The following CD163L1 variants were observed in gnomAD, a reference collection of about 807,000 sequenced individuals.
The protein encoded by CD163L1 is CD163 molecule like 1, also known as scavenger receptor cysteine-rich type 1 protein M160.
Under a neutral mutation model 165.4 loss-of-function variants are expected in CD163L1, and 124 were observed. The ratio of observed to expected loss-of-function variants is 0.75; its 90% confidence interval spans 0.65 to 0.87. The LOEUF is 0.87. Among genes scored for constraint, CD163L1 ranks in the 40% least tolerant of loss-of-function variants. CD163L1 has a pLI of 0.00. For synonymous variants in CD163L1, 585 were observed against 662.2 expected (o/e 0.88, Z 1.79); for missense variants, 1,525 against 1,799.9 (o/e 0.85, Z 2.76).
Position 7,400,325 on chromosome 12 carries a change from C to T in CD163L1, c.1409-1741G>A, listed in dbSNP as rs12309831. Among the ~76,000 whole-genome samples, 17,403 of 151,922 alleles carry T rather than the reference C, an allele frequency of 0.11. 1,868 individuals are homozygous for T. Among genetic ancestry groups the T allele is most frequent in the African/African-American group, 0.28 (11,477 of 41,388 alleles). ...TGGGGGTATGAACAGATATATGACG[C>T]ATGTATATATAATATGTATCATTTC... is the stretch of plus-strand genomic sequence containing the variant. On this transcript the variant is annotated intron_variant, in intron 6 of 19. Transcript: ENST00000313599. This position sits in a 1 kb window ranked among gnomAD's most constrained non-coding sequence, Gnocchi z 4.1.
intron 4 of CD163L1, among the ~76,000 whole-genome samples, chr12:7,420,538 A>G (rs994355722): frequency 2.0e-4 from 30 of 152,050 alleles, no homozygotes; most frequent in African/African-American, 7.0e-4. Flanking sequence ...ACTATCAAAA[A>G]GTGGGCTAAG....
chr12:7,348,225 C>T (rs1274401545), intron 4 of CD163L1, among the ~76,000 whole-genome samples: 2 of 152,168 alleles, frequency 1.3e-5, no homozygotes, highest in African/African-American at 4.8e-5. Flanking sequence ...CCACTCTGTG[C>T]AAGGGGAAAG....
At chr12:7,434,007 G>C (rs1032691666) in intron 2 of CD163L1, among the ~76,000 whole-genome samples, 6 of 152,144 alleles carry the variant, frequency 3.9e-5, no homozygotes. Context: ...TGTTGTGCAC[G>C]CAGAATGAAA....
At chr12:7,443,160 T>C (rs1054060915) in intron 1 of CD163L1, among the ~76,000 whole-genome samples, 2 of 152,210 alleles carry the variant, frequency 1.3e-5, no homozygotes, top group Admixed American at 1.3e-4. Context: ...AGAAACCCTT[T>C]TTCAAAAAGG....
chr12:7,348,476 C>A (rs1358220637), intron 4 of CD163L1, among the ~76,000 whole-genome samples: 3 of 152,176 alleles, frequency 2.0e-5, no homozygotes, highest in East Asian at 3.8e-4. Flanking sequence ...TCCAGCCCAT[C>A]CATTAGTGGA....
chr12:7,393,072 T>C (rs775697073), intron 8 of CD163L1, among the ~76,000 whole-genome samples: 19 of 152,318 alleles, frequency 1.2e-4, no homozygotes, highest in Admixed American at 1.2e-3. Flanking sequence ...ACTCATTTTA[T>C]GAGGCCAACA....
chr12:7,439,671 A>G (rs1013846990), intron 2 of CD163L1: 12 of 1,612,564 alleles, frequency 7.4e-6, no homozygotes, highest in Admixed American at 6.7e-5. Flanking sequence ...TTTTCTTCCT[A>G]AATTCAAGAA....
chr12:7,350,254 G>C (rs1190332477), downstream of CD163L1, among the ~76,000 whole-genome samples: 1 of 152,170 alleles, frequency 6.6e-6, no homozygotes, highest in African/African-American at 2.4e-5. Flanking sequence ...TGGAGTCACA[G>C]AGATTTCCTA....
At chr12:7,354,847 C>T (rs1232975753), downstream of CD163L1, 1 of 152,136 alleles carries the variant, frequency 6.6e-6, no homozygotes, top group Admixed American at 6.5e-5. Context: ...ACCCTCACGA[C>T]ATGATTACCT....
intron 18 of CD163L1, among the ~76,000 whole-genome samples, chr12:7,360,072 T>C (rs1186794440): frequency 3.9e-5 from 6 of 152,282 alleles, no homozygotes; most frequent in African/African-American, 9.6e-5. Flanking sequence ...TTTCAGCCAA[T>C]ATTTCTTTAA....
At position 7,369,466 on chromosome 12, in the gene CD163L1, C is replaced by A. The variant is rs778996485; in HGVS notation, c.3930G>T (p.Leu1310Phe). Residue 1310 changes from leucine to phenylalanine, a missense_variant, in exon 15 of 20, where the codon TTG (leucine) becomes TTT (phenylalanine). Physicochemically the swap from Leu to Phe is conservative, Grantham distance 22 (BLOSUM62 0). Transcript: ENST00000313599. This position sits in a 1 kb window ranked among gnomAD's most constrained non-coding sequence, Gnocchi z 4.9. ...SFGQGTGTIW[L>F]DDMRCKGNES... is the part of the protein sequence containing the mutation. ...CATTTCCTTTGCACCGCATGTCATC[C>A]AACCAGATGGTTCCAGTTCCCTGGC... 1.9e-6 allele frequency: 3 copies of A among 1,614,186 alleles called. No homozygotes were observed. Among genetic ancestry groups the A allele is most frequent in the Non-Finnish European group, 2.5e-6 (3 of 1,180,038 alleles).
At chr12:7,436,026 T>C (rs1948708633) in intron 2 of CD163L1, among the ~76,000 whole-genome samples, 1 of 152,154 alleles carries the variant, frequency 6.6e-6, no homozygotes, top group African/African-American at 2.4e-5. Flanking sequence ...ATATCTATCA[T>C]ATTATTAGAA....
chr12:7,398,857 A>G lies in CD163L1; in HGVS notation c.1409-273T>C, dbSNP rs150787759. On this transcript the variant is annotated intron_variant, in intron 6 of 19. Coordinates refer to ENST00000313599, the MANE Select transcript of CD163L1 (RefSeq NM_174941.6). This position sits in a 1 kb window ranked among gnomAD's most constrained non-coding sequence, Gnocchi z 4.5. ...AAGCCTCCAAGAATGACGGATTTGG[A>G]TAAGATGAGCAACGTGGAAGCATGC... is the stretch of plus-strand genomic sequence containing the variant. 2.6e-5 allele frequency among the ~76,000 whole-genome samples: 4 copies of G among 152,322 alleles called. No homozygotes were observed. The highest frequency in any genetic ancestry group is 9.6e-5 in the African/African-American group (4 of 41,582).
At chr12:7,339,778 C>A in the CD163L1 span, among the ~76,000 whole-genome samples, 63,301 of 151,876 alleles carry the variant, frequency 0.42, 14,485 homozygotes, top group Non-Finnish European at 0.52. Flanking sequence ...TCTCTTCCTA[C>A]TAGGGAGGTT....
intron 8 of CD163L1, among the ~76,000 whole-genome samples, chr12:7,383,353 G>C (rs755333851): frequency 1.3e-5 from 2 of 152,152 alleles, no homozygotes; most frequent in Non-Finnish European, 2.9e-5. Context: ...TAGCACCAGT[G>C]TATACCGGCT....
At chr12:7,437,406 T>C (rs1255377289) in intron 2 of CD163L1, among the ~76,000 whole-genome samples, 1 of 151,512 alleles carries the variant, frequency 6.6e-6, no homozygotes, top group Non-Finnish European at 1.5e-5. Flanking sequence ...TACATATGTA[T>C]ACATGTGCCG....
intron 5 of CD163L1, among the ~76,000 whole-genome samples, chr12:7,404,974 GA>G (rs990367401): frequency 6.6e-6 from 1 of 150,888 alleles, no homozygotes; most frequent in Non-Finnish European, 1.5e-5. Flanking sequence ...TTTTGTTTGG[GA>G]AAAAAAAATC....
At chr12:7,356,872 T>C (rs1037241796) in intron 19 of CD163L1, among the ~76,000 whole-genome samples, 2 of 152,152 alleles carry the variant, frequency 1.3e-5, no homozygotes, top group African/African-American at 4.8e-5. Context: ...CTTTAGAGAA[T>C]GATTTCACTG....
chr12:7,391,048 G>A (rs1010489159), intron 8 of CD163L1, among the ~76,000 whole-genome samples: 7 of 152,170 alleles, frequency 4.6e-5, no homozygotes, highest in African/African-American at 1.7e-4. Context: ...TTCCAACTGA[G>A]CCTCCGCTGT....
Sources: allele counts gnomAD v4.1 joint callset (sites outside exome capture counted in the v4.1 genomes callset), GRCh38; gene constraint gnomAD v4.1.1; non-coding constraint Gnocchi (gnomAD v3.1); transcripts MANE v1.5; gene names NCBI Gene and HGNC (gene_info 2026-07-23, HGNC 2026-07-21).